Variants in RBFOX1 observed in about 807,000 individuals in gnomAD.
RBFOX1 encodes RNA binding fox-1 homolog 1, also known as RNA binding protein fox-1 homolog 1.
RBFOX1 carries 8 observed loss-of-function variants against 57.7 expected under a neutral mutation model. The observed-to-expected ratio is 0.14, with a 90% CI of 0.08 to 0.25. RBFOX1 has a LOEUF of 0.25. RBFOX1 is among the 10% of genes least tolerant of loss of function. The pLI is 1.00. For missense variants in RBFOX1, 611 were observed against 548.5 expected (o/e 1.11, Z -1.14); for synonymous variants, 326 against 222.4 (o/e 1.47, Z -4.15).
intron 3 of RBFOX1, among the ~76,000 whole-genome samples, chr16:6,876,672 C>G (rs1034788149): frequency 1.3e-5 from 2 of 151,820 alleles, no homozygotes; most frequent in Non-Finnish European, 2.9e-5. Flanking sequence ...GGTTCTATTT[C>G]TTAATCTTGG....
intron 4 of RBFOX1, among the ~76,000 whole-genome samples, chr16:5,925,282 A>C (rs1356831398): frequency 1.3e-5 from 2 of 152,228 alleles, no homozygotes; most frequent in Non-Finnish European, 2.9e-5. Context: ...AAGTGAACAG[A>C]CAAAATGCTG....
intron 3 of RBFOX1, among the ~76,000 whole-genome samples, chr16:6,946,012 A>G (rs2079441766): frequency 6.6e-6 from 1 of 152,152 alleles, no homozygotes; most frequent in Admixed American, 6.5e-5. Flanking sequence ...GAGCCTCTGG[A>G]GCCCCCTTTG....
At chr16:5,408,687 G>A (rs150455964) in intron 1 of RBFOX1, among the ~76,000 whole-genome samples, 3 of 152,208 alleles carry the variant, frequency 2.0e-5, no homozygotes, top group African/African-American at 7.2e-5. Context: ...TGCAGGCTGC[G>A]TAGGCATGGT....
intron 2 of RBFOX1, among the ~76,000 whole-genome samples, chr16:6,570,825 T>C (rs1302525933): frequency 6.6e-6 from 1 of 152,226 alleles, no homozygotes; most frequent in African/African-American, 2.4e-5. Flanking sequence ...TTTTAAAGAC[T>C]CAATTAACTT....
chr16:6,636,820 A>C (rs2098438878), intron 2 of RBFOX1, among the ~76,000 whole-genome samples: 1 of 37,752 alleles, frequency 2.6e-5, no homozygotes, highest in Non-Finnish European at 7.1e-5. Context: ...TATAATATAT[A>C]ATATATGTTA....
intron 4 of RBFOX1, chr16:7,304,585 G>A (rs950777823): frequency 1.0e-6 from 1 of 985,348 alleles, no homozygotes; most frequent in Non-Finnish European, 1.2e-6. Context: ...TGTAGGTTCT[G>A]AGGAGGGGGC....
rs78223531 is a variant in RBFOX1 at position 5,412,585 on chromosome 16, A to T, written c.220-54631A>T. On this transcript the variant is annotated intron_variant, in intron 1 of 2. Transcript: ENST00000585867. ...GGATGGGCGTGAAGACTCCCCTGGA[A>T]GGGTTTAGAGTAGGGGAGGGAGGTG... Among the ~76,000 whole-genome samples the T allele has an allele frequency of 4.9e-3, 748 of 152,258 alleles. 9 individuals carry two copies. The highest frequency in any genetic ancestry group is 0.017 in the African/African-American group (713 of 41,558).
chr16:6,792,614 G>T (rs918087312), intron 3 of RBFOX1, among the ~76,000 whole-genome samples: 1 of 152,190 alleles, frequency 6.6e-6, no homozygotes, highest in Non-Finnish European at 1.5e-5. Context: ...GTTGCAAAAA[G>T]CCTTCATGTA....
chr16:7,174,792 C>A (rs1215921096), intron 4 of RBFOX1, among the ~76,000 whole-genome samples: 1 of 152,134 alleles, frequency 6.6e-6, no homozygotes, highest in Non-Finnish European at 1.5e-5. Context: ...AACAAACAGA[C>A]AAACAAAACA....
At chr16:6,569,651 TCCATGGGTGGTTTTCTGTGGGAAC>T (rs1311783434) in intron 2 of RBFOX1, among the ~76,000 whole-genome samples, 1 of 152,214 alleles carries the variant, frequency 6.6e-6, no homozygotes, top group Non-Finnish European at 1.5e-5. Context: ...AACCTTTCTG[TCCATGGGTGGTTTTCTGTGGGAAC>T]CCATCCTGTG....
chr16:5,996,452 AT>A (rs35219123), intron 4 of RBFOX1, among the ~76,000 whole-genome samples: 106,444 of 147,670 alleles, frequency 0.72, 38,476 homozygotes, highest in East Asian at 0.86. Context: ...TGTGAGGGTG[AT>A]TTTTTTTTTT....
chr16:7,426,866 C>A (rs944224279), intron 4 of RBFOX1, among the ~76,000 whole-genome samples: 3 of 152,156 alleles, frequency 2.0e-5, no homozygotes, highest in African/African-American at 7.2e-5. Context: ...GGTGCATCAG[C>A]ATTCCTGCAC....
intron 3 of RBFOX1, among the ~76,000 whole-genome samples, chr16:6,734,516 C>T (rs1296614253): frequency 6.6e-6 from 1 of 152,172 alleles, no homozygotes; most frequent in South Asian, 2.1e-4. Context: ...AAACCACTTA[C>T]TTGAATTCTC....
At chr16:6,981,635 C>G (rs1227745837) in intron 3 of RBFOX1, among the ~76,000 whole-genome samples, 15 of 152,200 alleles carry the variant, frequency 9.9e-5, no homozygotes, top group Admixed American at 9.8e-4. Flanking sequence ...GAAGTCACAT[C>G]TTACATAGTG....
chr16:7,099,383 C>G (rs11639580), intron 4 of RBFOX1, among the ~76,000 whole-genome samples: 1 of 151,938 alleles, frequency 6.6e-6, no homozygotes, highest in South Asian at 2.1e-4. Context: ...TTATTTAACC[C>G]CTCTTTAAAA....
intron 3 of RBFOX1, among the ~76,000 whole-genome samples, chr16:5,671,475 C>A (rs1050643817): frequency 1.3e-5 from 2 of 152,102 alleles, no homozygotes; most frequent in African/African-American, 4.8e-5. Context: ...TTAGTGTATG[C>A]GGTGCATGTT....
At chr16:6,908,380 G>C (rs751941743) in intron 3 of RBFOX1, among the ~76,000 whole-genome samples, 6 of 146,232 alleles carry the variant, frequency 4.1e-5, no homozygotes. Flanking sequence ...ATGTGTGTCT[G>C]TCTGCCTGCC....
intron 4 of RBFOX1, among the ~76,000 whole-genome samples, chr16:7,118,676 C>G (rs960932454): frequency 2.0e-5 from 3 of 152,080 alleles, no homozygotes; most frequent in Non-Finnish European, 2.9e-5. Flanking sequence ...GGGTCCTGCT[C>G]ACATTCAAGG....
intron 4 of RBFOX1, chr16:7,304,508 G>A: frequency 1.0e-6 from 1 of 985,304 alleles, no homozygotes; most frequent in Non-Finnish European, 1.2e-6. Flanking sequence ...TCTGCCCTCG[G>A]TGGCTGCTTT....
Sources: gnomAD v4.1 joint callset for allele counts (sites outside exome capture counted in the v4.1 genomes callset) on GRCh38, gnomAD v4.1.1 for gene constraint, MANE v1.5 for transcripts, NCBI Gene and HGNC (gene_info 2026-07-23, HGNC 2026-07-21) for gene names.